The following AXDND1 variants were observed in gnomAD, a reference collection of about 807,000 sequenced individuals.
The protein encoded by AXDND1 is axonemal dynein light chain domain-containing protein 1.
AXDND1 carries 110 observed loss-of-function variants against 137.5 expected under a neutral mutation model. That is an observed-to-expected ratio of 0.80 (90% CI 0.69 to 0.94). AXDND1 has a LOEUF of 0.94. Ranked by LOEUF, AXDND1 falls within the 40% of genes least tolerant of loss-of-function variation. The probability of loss-of-function intolerance (pLI) is 0.00; values close to 1 mark genes in which losing one functional copy is unlikely to be tolerated. For synonymous variants in AXDND1, 414 were observed against 399.7 expected (o/e 1.04, Z -0.43); for missense variants, 1,191 against 1,169.8 (o/e 1.02, Z -0.26).
chr1:179,537,769 A>G (rs1671699726), intron 25 of AXDND1, among the ~76,000 whole-genome samples: 1 of 152,124 alleles, frequency 6.6e-6, no homozygotes, highest in Non-Finnish European at 1.5e-5. Flanking sequence ...AAGGAATGGT[A>G]CCTGCTCCTC....
In AXDND1 at chr1:179,368,805, C is replaced by T. The variant is rs1279792506; in HGVS notation, c.103C>T (p.Pro35Ser). ...SVAKEGTRGL[P>S]ELKEKKNMVD... ...CTTTTCCACTACTTACTTAGGACTT[C>T]CTGAGCTAAAGGAGAAAAAAAATAT... Residue 35 changes from proline to serine, a missense_variant, in exon 3 of 26, where the codon CCT (proline) becomes TCT (serine). By Grantham distance (74) the Pro-to-Ser change is moderately conservative. Coordinates refer to ENST00000367618, the MANE Select transcript of AXDND1 (RefSeq NM_144696.6). 2.5e-6 allele frequency: 4 copies of T among 1,606,992 alleles called. No individual in the cohort carries two copies. The highest frequency in any genetic ancestry group is 3.4e-6 in the Non-Finnish European group (4 of 1,177,584).
At chr1:179,525,494 T>G (rs768918359) in intron 22 of AXDND1, 47 bp downstream of exon 22, 4 of 1,510,802 alleles carry the variant, frequency 2.6e-6, no homozygotes. Flanking sequence ...CATACATACA[T>G]ACATACATAC....
At chr1:179,403,635 G>A (rs993106013) in intron 11 of AXDND1, among the ~76,000 whole-genome samples, 3 of 152,108 alleles carry the variant, frequency 2.0e-5, no homozygotes, top group South Asian at 2.1e-4. Context: ...GTGCAGTGGT[G>A]CAATCTTGGC....
At chr1:179,493,320 T>C (rs1233304125) in intron 20 of AXDND1, among the ~76,000 whole-genome samples, 1 of 152,232 alleles carries the variant, frequency 6.6e-6, no homozygotes, top group Non-Finnish European at 1.5e-5. Context: ...TTCACACATA[T>C]TGTTGCTTTT....
chr1:179,438,062 G>C (rs1658474183), intron 15 of AXDND1, among the ~76,000 whole-genome samples: 1 of 152,186 alleles, frequency 6.6e-6, no homozygotes, highest in Non-Finnish European at 1.5e-5. Context: ...TGAGGCTGGA[G>C]AATTGCTTGA....
intron 25 of AXDND1, among the ~76,000 whole-genome samples, chr1:179,539,253 GC>G (rs1465502922): frequency 6.6e-6 from 1 of 152,084 alleles, no homozygotes; most frequent in African/African-American, 2.4e-5. Flanking sequence ...TGGTTATTTT[GC>G]CCATTAGTTG....
chr1:179,411,293 C>T (rs770205884), intron 12 of AXDND1, 27 bp downstream of exon 12: 156 of 1,598,072 alleles, frequency 9.8e-5, no homozygotes, highest in Middle Eastern at 1.7e-4. Context: ...TCACAACTCA[C>T]ACTTCTTTTT....
intron 20 of AXDND1, among the ~76,000 whole-genome samples, chr1:179,508,978 A>G (rs1668778614): frequency 6.6e-6 from 1 of 152,188 alleles, no homozygotes; most frequent in South Asian, 2.1e-4. Flanking sequence ...ATCACAGTTG[A>G]CCTGGTCAGT....
chr1:179,534,717 T>A lies in AXDND1; in HGVS notation c.2799-13T>A, dbSNP rs764764693. On this transcript the variant is annotated splice_polypyrimidine_tract_variant and intron_variant, in intron 24 of 25. Transcript: ENST00000367618. ...ACCCTTTCTATTTTGTTGTGTCTTC[T>A]CTTCCATATCAGGGAGGTTGAAAAT... 7 of 1,563,914 alleles carry A rather than the reference T, an allele frequency of 4.5e-6. No individual in the cohort carries two copies. Among genetic ancestry groups the A allele is most frequent in the Non-Finnish European group, 5.2e-6 (6 of 1,164,842 alleles).
chr1:179,461,071 CA>C (rs1324321254), intron 16 of AXDND1, among the ~76,000 whole-genome samples: 4 of 152,114 alleles, frequency 2.6e-5, no homozygotes, highest in African/African-American at 9.7e-5. Flanking sequence ...TCTCATTTGT[CA>C]ATTTTGGCTT....
At chr1:179,549,729 C>T (rs1209574432) in intron 25 of AXDND1, among the ~76,000 whole-genome samples, 1 of 152,082 alleles carries the variant, frequency 6.6e-6, no homozygotes, top group African/African-American at 2.4e-5. Flanking sequence ...CCCTCGGTGC[C>T]ATCTTAATTC....
chr1:179,413,572 A>T (rs1052691264), intron 12 of AXDND1, among the ~76,000 whole-genome samples: 19 of 152,254 alleles, frequency 1.2e-4, no homozygotes, highest in African/African-American at 3.9e-4. Context: ...TTCAAAGCAT[A>T]TAATTTCATT....
In AXDND1 at chr1:179,447,604, G is replaced by A. The variant is rs899685870; in HGVS notation, c.1798+2400G>A. On this transcript the variant is annotated intron_variant, in intron 16 of 25. Coordinates refer to ENST00000367618, the MANE Select transcript of AXDND1 (RefSeq NM_144696.6). Reference sequence around the variant, plus strand: ...AAGAAAGGTTCAACTTACTAGTGGAGGTGTCATGCCCTTGCTTGAAGCGGG... The same window carrying A: ...AAGAAAGGTTCAACTTACTAGTGGAAGTGTCATGCCCTTGCTTGAAGCGGG... 20 of 1,154,338 alleles carry A rather than the reference G, an allele frequency of 1.7e-5. No homozygotes were observed. The African/African-American group carries it at 3.1e-4, about 18-fold the overall frequency. The allele number at this position is 1,154,338 out of a possible 1,614,324, so 71.5% of individuals were successfully genotyped here.
In AXDND1 at chr1:179,447,964, G is replaced by T. The variant is rs576731177; in HGVS notation, c.1798+2760G>T. The T allele has an allele frequency of 8.1e-5, 114 of 1,399,342 alleles. No individual in the cohort carries two copies. The African/African-American group carries it at 1.5e-3, about 19-fold the overall frequency. The allele number at this position is 1,399,342 out of a possible 1,614,324, so 86.7% of individuals were successfully genotyped here. On this transcript the variant is annotated intron_variant, in intron 16 of 25. Coordinates refer to ENST00000367618, the MANE Select transcript of AXDND1 (RefSeq NM_144696.6). The stretch of plus-strand genomic sequence containing the variant: ...TAACGTTGAGCTGGCTGCCAAAGAT[G>T]GTGACACCAGTGAACTCCCTGGGTT...
chr1:179,438,038 G>T (rs1229918475), intron 15 of AXDND1, among the ~76,000 whole-genome samples: 1 of 152,064 alleles, frequency 6.6e-6, no homozygotes, highest in East Asian at 1.9e-4. Context: ...TATAATCCCA[G>T]CTACTCAGGA....
chr1:179,533,876 C>T lies in AXDND1; in HGVS notation c.2797C>T (p.Leu933=). Residue 933 remains leucine (L), a splice_region_variant and synonymous_variant, in exon 24 of 26, where the codon CTG becomes TTG. Coordinates refer to ENST00000367618, the MANE Select transcript of AXDND1 (RefSeq NM_144696.6). ...AVIEHMQEKL[L]EVENRARQAE... ...AATTGAACATATGCAGGAGAAGTTACTGTAAGTATGAGTCAACACAATGGT... is the reference window on the plus strand; with the variant it reads ...AATTGAACATATGCAGGAGAAGTTATTGTAAGTATGAGTCAACACAATGGT... 1 of 1,611,650 alleles carries T rather than the reference C, an allele frequency of 6.2e-7. No homozygotes were observed.
intron 20 of AXDND1, among the ~76,000 whole-genome samples, chr1:179,500,606 G>A (rs6665521): frequency 0.72 from 109,270 of 151,960 alleles, 40,475 homozygotes; most frequent in South Asian, 0.83. Context: ...TTCTCCTCAG[G>A]ATGCTATGTA....
intron 11 of AXDND1, among the ~76,000 whole-genome samples, chr1:179,408,843 G>A (rs1653391104): frequency 6.6e-6 from 1 of 151,976 alleles, no homozygotes; most frequent in South Asian, 2.1e-4. Context: ...AGTGCCTGGT[G>A]CCTGGGTAAA....
At chr1:179,396,272 C>T (rs185745720) in intron 11 of AXDND1, among the ~76,000 whole-genome samples, 19 of 152,048 alleles carry the variant, frequency 1.2e-4, no homozygotes, top group African/African-American at 2.4e-4. Flanking sequence ...TTCTTCCCTC[C>T]CCAGAGTTAA....
Sources: allele counts gnomAD v4.1 joint callset (sites outside exome capture counted in the v4.1 genomes callset), GRCh38; gene constraint gnomAD v4.1.1; transcripts MANE v1.5; gene names NCBI Gene and HGNC (gene_info 2026-07-23, HGNC 2026-07-21).